Variants in DSCAML1 observed in about 807,000 individuals in gnomAD.
DSCAML1 encodes DS cell adhesion molecule like 1, also known as cell adhesion molecule DSCAML1.
DSCAML1 carries 38 observed loss-of-function variants against 200.5 expected under a neutral mutation model. The observed-to-expected ratio is 0.19, with a 90% confidence interval of 0.15 to 0.25. The LOEUF (loss-of-function observed/expected upper bound fraction) is 0.25, where lower values mean the gene tolerates loss of function less well. Among genes scored for constraint, DSCAML1 ranks in the 10% least tolerant of loss-of-function variants. The probability of loss-of-function intolerance (pLI) is 1.00; values close to 1 mark genes in which losing one functional copy is unlikely to be tolerated. For missense variants in DSCAML1, 2,223 were observed against 2,858.8 expected (o/e 0.78, Z 5.07); for synonymous variants, 1,215 against 1,165.0 (o/e 1.04, Z -0.87).
intron 3 of DSCAML1, among the ~76,000 whole-genome samples, chr11:117,648,628 G>C (rs1039092144): frequency 5.3e-5 from 8 of 152,190 alleles, no homozygotes; most frequent in Non-Finnish European, 1.2e-4. Flanking sequence ...TCCTCTGCAA[G>C]ATGGGAACAG....
At position 117,439,300 on chromosome 11, in the gene DSCAML1, GCCA is replaced by G; in HGVS notation, c.4107_4109del (p.Gly1370del). ...GAAGGTTGACGATGATGGTGTCAAA[GCCA>G]CCAGTGTTGGTGGCCGTGCACGTGT... On this transcript the variant is annotated inframe_deletion, in exon 23 of 33. Coordinates refer to ENST00000651296, the MANE Select transcript of DSCAML1 (RefSeq NM_020693.4). 1 of 1,614,116 alleles carries G rather than the reference GCCA, an allele frequency of 6.2e-7. No homozygotes were observed. Among genetic ancestry groups the G allele is most frequent in the Non-Finnish European group, 8.5e-7 (1 of 1,180,012 alleles).
At position 117,437,495 on chromosome 11, in the gene DSCAML1, G is replaced by A; in HGVS notation, c.4433-86C>T. The A allele has an allele frequency of 6.8e-7, 1 of 1,478,178 alleles. No homozygotes were observed. The highest frequency in any genetic ancestry group is 9.2e-7 in the Non-Finnish European group (1 of 1,089,342). 91.6% of individuals were successfully genotyped at this position (1,478,178 alleles called of 1,614,324 possible). ...GGGCTGGGCTGGAAAGGATTTCCCTGGGGCAGCTGGGATGGCAGTGGCTCC... is the reference window on the plus strand; with the variant it reads ...GGGCTGGGCTGGAAAGGATTTCCCTAGGGCAGCTGGGATGGCAGTGGCTCC... On this transcript the variant is annotated intron_variant, in intron 25 of 32. Coordinates refer to ENST00000651296, the MANE Select transcript of DSCAML1 (RefSeq NM_020693.4). The surrounding 1 kb of genome is among the most constrained non-coding windows in gnomAD (Gnocchi z 5.3).
chr11:117,445,355 C>T (rs2048156018), intron 20 of DSCAML1, among the ~76,000 whole-genome samples: 1 of 152,210 alleles, frequency 6.6e-6, no homozygotes, highest in Non-Finnish European at 1.5e-5. Context: ...GCAGAGCCAC[C>T]CTTGAGCCCT....
rs898213449 is a variant in DSCAML1 at position 117,498,667 on chromosome 11, G to C, written c.2359+5178C>G. Reference sequence around the variant, plus strand: ...ACCTCAGTCCCAGTGGCCAATCATGGTGGGTGACCTGGTCCACGGAGGCCC... The same window carrying C: ...ACCTCAGTCCCAGTGGCCAATCATGCTGGGTGACCTGGTCCACGGAGGCCC... On this transcript the variant is annotated intron_variant, in intron 11 of 32. Transcript: ENST00000651296. The surrounding 1 kb of genome is among the most constrained non-coding windows in gnomAD (Gnocchi z 4.0). 6.6e-6 allele frequency among the ~76,000 whole-genome samples: 1 copy of C among 152,276 alleles called. No homozygotes were observed. The highest frequency in any genetic ancestry group is 2.4e-5 in the African/African-American group (1 of 41,550).
At chr11:117,570,236 C>G in intron 3 of DSCAML1, among the ~76,000 whole-genome samples, 1 of 152,042 alleles carries the variant, frequency 6.6e-6, no homozygotes, top group Admixed American at 6.6e-5. Flanking sequence ...TATCTCATGC[C>G]AAGGATGAAC....
At chr11:117,747,916 G>T (rs568922492) in intron 3 of DSCAML1, among the ~76,000 whole-genome samples, 1 of 152,120 alleles carries the variant, frequency 6.6e-6, no homozygotes, top group Non-Finnish European at 1.5e-5. Flanking sequence ...ACTTTACCAG[G>T]AAAGGAGCCC....
chr11:117,694,794 G>A (rs1051319957), intron 3 of DSCAML1, among the ~76,000 whole-genome samples: 2 of 152,246 alleles, frequency 1.3e-5, no homozygotes, highest in Non-Finnish European at 2.9e-5. Flanking sequence ...TGAACTGCCT[G>A]CTCTTTGGTG....
chr11:117,656,911 G>A (rs2052747372), intron 3 of DSCAML1, among the ~76,000 whole-genome samples: 1 of 152,222 alleles, frequency 6.6e-6, no homozygotes, highest in Non-Finnish European at 1.5e-5. Flanking sequence ...TATGTCATCT[G>A]GCTATGTCAT....
intron 3 of DSCAML1, among the ~76,000 whole-genome samples, chr11:117,592,300 G>A (rs1001923372): frequency 2.0e-5 from 3 of 152,158 alleles, no homozygotes; most frequent in Non-Finnish European, 4.4e-5. Flanking sequence ...CTGCCTAGGA[G>A]CTTGGATGGA....
intron 14 of DSCAML1, among the ~76,000 whole-genome samples, chr11:117,478,075 G>A (rs939935296): frequency 2.6e-5 from 4 of 152,222 alleles, no homozygotes; most frequent in Non-Finnish European, 5.9e-5. Flanking sequence ...AGGGCAAGAC[G>A]TGGATGTGCT....
At chr11:117,674,189 C>T (rs2053165141) in intron 3 of DSCAML1, among the ~76,000 whole-genome samples, 1 of 152,194 alleles carries the variant, frequency 6.6e-6, no homozygotes, top group South Asian at 2.1e-4. Flanking sequence ...CTGGTTCTGT[C>T]CTATTTTCTC....
At chr11:117,446,173 G>A (rs1020626803) in intron 20 of DSCAML1, among the ~76,000 whole-genome samples, 1 of 152,168 alleles carries the variant, frequency 6.6e-6, no homozygotes, top group Non-Finnish European at 1.5e-5. Flanking sequence ...AGACCAGCCT[G>A]ACTAACATGG....
At chr11:117,619,257 C>T (rs900321568) in intron 3 of DSCAML1, among the ~76,000 whole-genome samples, 2 of 152,250 alleles carry the variant, frequency 1.3e-5, no homozygotes, top group Non-Finnish European at 2.9e-5. Flanking sequence ...AGCCTTGCTA[C>T]TGCATCAAGG....
At chr11:117,430,618 G>T in intron 32 of DSCAML1, 104 bp downstream of exon 32, 1 of 1,363,380 alleles carries the variant, frequency 7.3e-7, no homozygotes, top group Non-Finnish European at 9.8e-7. Flanking sequence ...GCCAAGCTGG[G>T]CTGGCATGAT....
chr11:117,811,983 C>T (rs2055765346), intron 1 of DSCAML1, among the ~76,000 whole-genome samples: 1 of 152,180 alleles, frequency 6.6e-6, no homozygotes, highest in African/African-American at 2.4e-5. Flanking sequence ...TTAGACAACA[C>T]TCTTTTATGC....
chr11:117,631,887 T>C (rs1272712842), intron 3 of DSCAML1, among the ~76,000 whole-genome samples: 1 of 152,164 alleles, frequency 6.6e-6, no homozygotes, highest in Admixed American at 6.5e-5. Flanking sequence ...AGAAGGTCTA[T>C]AGACAGGAGG....
At chr11:117,671,693 C>G (rs2053110811) in intron 3 of DSCAML1, among the ~76,000 whole-genome samples, 1 of 152,158 alleles carries the variant, frequency 6.6e-6, no homozygotes, top group Non-Finnish European at 1.5e-5. Context: ...CAGTCAAAAG[C>G]AATGCTCAGA....
At chr11:117,804,360 G>A (rs1209923137) in intron 1 of DSCAML1, among the ~76,000 whole-genome samples, 1 of 152,156 alleles carries the variant, frequency 6.6e-6, no homozygotes, top group Non-Finnish European at 1.5e-5. Context: ...ATGCTGCCAG[G>A]GAAAAGGGGC....
intron 3 of DSCAML1, among the ~76,000 whole-genome samples, chr11:117,576,927 G>A (rs12273632): frequency 0.067 from 10,132 of 152,274 alleles, 1,128 homozygotes; most frequent in African/African-American, 0.23. Context: ...TATTCTAGGC[G>A]TCTTACGAGG....
Sources: gnomAD v4.1 joint callset for allele counts (sites outside exome capture counted in the v4.1 genomes callset) on GRCh38, gnomAD v4.1.1 for gene constraint, Gnocchi (gnomAD v3.1) non-coding constraint, MANE v1.5 for transcripts, NCBI Gene and HGNC (gene_info 2026-07-23, HGNC 2026-07-21) for gene names.